BUB1: variants seen among roughly 807,000 people sequenced by gnomAD.
BUB1 encodes the protein BUB1 mitotic checkpoint serine/threonine kinase.
A neutral mutation model predicts 135.2 loss-of-function variants in BUB1; 84 were observed. The ratio of observed to expected loss-of-function variants is 0.62; its 90% CI spans 0.52 to 0.74. The LOEUF (loss-of-function observed/expected upper bound fraction) is 0.74. Ranked by LOEUF, BUB1 falls within the 30% of genes least tolerant of loss-of-function variation. BUB1 has a pLI of 0.00. For synonymous variants in BUB1, 403 were observed against 434.4 expected (o/e 0.93, Z 0.90); for missense variants, 1,162 against 1,288.3 (o/e 0.90, Z 1.50).
In BUB1 at chr2:110,645,621, G is replaced by GT. The variant is rs1259946488; in HGVS notation, c.2348-3388dup. On this transcript the variant is annotated intron_variant, in intron 19 of 24. Coordinates refer to ENST00000302759, the MANE Select transcript of BUB1 (RefSeq NM_004336.5). ...TGTGTGTGTGTGTGTGTAAGACAAG[G>GT]TCTTGCTATGTTCCCTGGCTAATCT... is the stretch of plus-strand genomic sequence containing the variant. 2.0e-5 allele frequency among the ~76,000 whole-genome samples: 3 copies of GT among 151,616 alleles called. No individual in the cohort carries two copies. In the East Asian group the frequency reaches 5.8e-4, roughly 29 times the overall value.
intron 3 of BUB1, 147 bp from the exon 4 acceptor site, chr2:110,673,004 G>T (rs1690464570): frequency 5.4e-6 from 4 of 738,178 alleles, no homozygotes; most frequent in African/African-American, 1.8e-5. Flanking sequence ...TTAGAGGGTT[G>T]GACTTTTCAG....
In BUB1 at chr2:110,657,110, G is replaced by A. The variant is rs761429720; in HGVS notation, c.1624C>T (p.Gln542Ter). ...GCTCCTGTGGGTTTATTTTTAGGCT[G>A]TGGTAATCTAAGGAAAGATTTGCTA... ...DGNKENYGLP[Q>*]PKNKPTGART... is the part of the protein sequence containing the mutation. Residue 542 changes from glutamine to a stop codon, truncating the protein, a stop_gained, in exon 15 of 25, where the codon CAG becomes TAG. Coordinates refer to ENST00000302759, the MANE Select transcript of BUB1 (RefSeq NM_004336.5). LOFTEE classifies it high-confidence loss of function. The A allele has an allele frequency of 1.9e-6, 3 of 1,611,416 alleles. No individual in the cohort carries two copies. Among genetic ancestry groups the A allele is most frequent in the Non-Finnish European group, 2.5e-6 (3 of 1,178,634 alleles).
chr2:110,638,138 C>T lies in BUB1; in HGVS notation c.3084G>A (p.Trp1028Ter). Reference sequence around the variant, plus strand: ...TCAACATAACATGAAAAAATTCATTCCACATATCCAAATGAGGAAGCCTGA... The same window carrying T: ...TCAACATAACATGAAAAAATTCATTTCACATATCCAAATGAGGAAGCCTGA... ...LFRRLPHLDM[W>*]NEFFHVMLNI... The change falls in exon 25 of 25, where the codon TGG becomes TGA. Residue 1028 changes from tryptophan (W) to a stop codon, truncating the protein, a stop_gained. Transcript: ENST00000302759. LOFTEE classifies it high-confidence loss of function. 2.5e-6 allele frequency: 4 copies of T among 1,594,600 alleles called. No individual in the cohort carries two copies. The highest frequency in any genetic ancestry group is 3.4e-6 in the Non-Finnish European group (4 of 1,172,830).
In BUB1 at chr2:110,669,532, T is replaced by A; in HGVS notation, c.488A>T (p.His163Leu). 1 of 1,608,120 alleles carries A rather than the reference T, an allele frequency of 6.2e-7. No individual in the cohort carries two copies. The highest frequency in any genetic ancestry group is 8.5e-7 in the Non-Finnish European group (1 of 1,174,840). Residue 163 changes from histidine to leucine, a missense_variant, in exon 6 of 25, where the codon CAT (histidine) becomes CTT (leucine). His to Leu is a moderately conservative substitution (Grantham distance 99, BLOSUM62 -3). Coordinates refer to ENST00000302759, the MANE Select transcript of BUB1 (RefSeq NM_004336.5). The part of the protein sequence containing the change: ...PAQARTSEPL[H>L]NVQVLNQMIT... The stretch of plus-strand genomic sequence containing the variant: ...CATTTGATTTAAAACCTGAACATTA[T>A]GCAGAGGTTCTGAGGTTCTAGCTAT...
intron 23 of BUB1, 80 bp downstream of exon 23, chr2:110,640,954 T>G: frequency 6.9e-7 from 1 of 1,447,432 alleles, no homozygotes; most frequent in Non-Finnish European, 9.2e-7. Flanking sequence ...TCAAACTACC[T>G]AGATCCCCAA....
At chr2:110,640,932 CAA>C (rs869030773) in intron 23 of BUB1, 100 bp downstream of exon 23, 1 of 1,285,222 alleles carries the variant, frequency 7.8e-7, no homozygotes, top group African/African-American at 1.5e-5. Context: ...AACTGCTCCT[CAA>C]AAGACCACCT....
At position 110,642,339 on chromosome 2, in the gene BUB1, A is replaced by ATCCACTGT. The variant is rs1298399302; in HGVS notation, c.2348-113_2348-106dup. On this transcript the variant is annotated intron_variant, in intron 19 of 24. Transcript: ENST00000302759. ...ACATAGAGTTTTCTGTATACTTCGC[A>ATCCACTGT]TCCACTGTCTGCAGTTGTTAACTCT... 25 of 660,144 alleles carry ATCCACTGT rather than the reference A, an allele frequency of 3.8e-5. No homozygotes were observed. In the African/African-American group the frequency reaches 4.6e-4, roughly 12 times the overall value. The allele number at this position is 660,144 out of a possible 1,614,324, so 40.9% of individuals were successfully genotyped here.
chr2:110,639,394 C>CAA (rs111453356), intron 24 of BUB1, among the ~76,000 whole-genome samples: 50 of 118,176 alleles, frequency 4.2e-4, no homozygotes, highest in African/African-American at 1.4e-3. Flanking sequence ...TTCCATAGAC[C>CAA]AAAAAAAAAA....
chr2:110,644,667 A>G (rs1030433436), intron 19 of BUB1, among the ~76,000 whole-genome samples: 4 of 152,162 alleles, frequency 2.6e-5, no homozygotes, highest in Non-Finnish European at 5.9e-5. Flanking sequence ...AAGAAGCAAG[A>G]CAAAACCATC....
At chr2:110,673,348 C>T (rs1255967046) in intron 3 of BUB1, among the ~76,000 whole-genome samples, 1 of 152,114 alleles carries the variant, frequency 6.6e-6, no homozygotes, top group Non-Finnish European at 1.5e-5. Flanking sequence ...GCAAACTGAT[C>T]GAACTCAGAC....
rs375377141 is a variant in BUB1, at chr2:110,657,530, G to T, written c.1616+16C>A. ...AAACTCGGCAGCATCCCATTAACTA[G>T]ATGGTATTTTTTTACCCATAATTTT... On this transcript the variant is annotated intron_variant, in intron 14 of 24. Transcript: ENST00000302759. The T allele has an allele frequency of 5.1e-6, 8 of 1,574,446 alleles. No homozygotes were observed. The highest frequency in any genetic ancestry group is 3.6e-5 in the Admixed American group (2 of 55,754).
Position 110,667,670 on chromosome 2 carries a change from T to C in BUB1, c.656A>G (p.Tyr219Cys), listed in dbSNP as rs377616534. 1 of 1,613,392 alleles carries C rather than the reference T, an allele frequency of 6.2e-7. No individual in the cohort carries two copies. The highest frequency in any genetic ancestry group is 8.5e-7 in the Non-Finnish European group (1 of 1,179,862). ...GGATGCCAAAGATGAGTGCACAGAATATTCTGATTTAGAAATCGTGATCAC... is the reference window on the plus strand; with the variant it reads ...GGATGCCAAAGATGAGTGCACAGAACATTCTGATTTAGAAATCGTGATCAC... ...RRVITISKSE[Y>C]SVHSSLASKV... The change falls in exon 8 of 25, where the codon TAT becomes TGT. Residue 219 changes from tyrosine (Y) to cysteine (C), a missense_variant. Transcript: ENST00000302759.
intron 20 of BUB1, 26 bp downstream of exon 20, chr2:110,642,093 T>C (rs1689521646): frequency 6.6e-7 from 1 of 1,522,962 alleles, no homozygotes; most frequent in Non-Finnish European, 9.0e-7. Context: ...TTCTATATCA[T>C]ACAAAAGACA....
intron 4 of BUB1, among the ~76,000 whole-genome samples, chr2:110,671,875 A>G (rs185227659): frequency 6.6e-6 from 1 of 152,330 alleles, no homozygotes; most frequent in African/African-American, 2.4e-5. Context: ...CCTAAGTGAG[A>G]TATGTTTAAT....
At chr2:110,675,551 C>A (rs915262364) in intron 1 of BUB1, among the ~76,000 whole-genome samples, 1 of 150,708 alleles carries the variant, frequency 6.6e-6, no homozygotes, top group Admixed American at 6.6e-5. Flanking sequence ...AGGTGAGAAT[C>A]GAAGTGGGAA....
intron 9 of BUB1, among the ~76,000 whole-genome samples, chr2:110,664,452 G>T (rs767762082): frequency 6.6e-6 from 1 of 152,114 alleles, no homozygotes; most frequent in Non-Finnish European, 1.5e-5. Context: ...CTGAGGGAAT[G>T]TAAGTTCCCT....
chr2:110,646,110 T>A (rs1030891780), intron 19 of BUB1, among the ~76,000 whole-genome samples: 2 of 137,416 alleles, frequency 1.5e-5, no homozygotes, highest in Non-Finnish European at 3.0e-5. Context: ...GACAGAAAGA[T>A]GGATTGAGGT....
At position 110,644,320 on chromosome 2, in the gene BUB1, A is replaced by G. The variant is rs1243489258; in HGVS notation, c.2348-2086T>C. ...ATGAAACCCCATCTCTACAAAAAAT[A>G]CAAAAAATTAGCCGGGTATGGTGGT... On this transcript the variant is annotated intron_variant, in intron 19 of 24. Transcript: ENST00000302759. Among the ~76,000 whole-genome samples, 3 of 151,870 alleles carry G rather than the reference A, an allele frequency of 2.0e-5. No individual in the cohort carries two copies. The East Asian group carries it at 5.8e-4, about 30-fold the overall frequency.
Position 110,670,573 on chromosome 2 carries a change from A to T in BUB1, c.423-5T>A. ...GTGAGGCGTGTCTGAAATAACCTAA[A>T]TGACAGCAGAAAAGGCATCAATGTA... On this transcript the variant is annotated splice_region_variant and splice_polypyrimidine_tract_variant and intron_variant, in intron 4 of 24. Coordinates refer to ENST00000302759, the MANE Select transcript of BUB1 (RefSeq NM_004336.5). 1 of 1,613,934 alleles carries T rather than the reference A, an allele frequency of 6.2e-7. No individual in the cohort carries two copies.
Sources: allele counts gnomAD v4.1 joint callset (sites outside exome capture counted in the v4.1 genomes callset), GRCh38; gene constraint gnomAD v4.1.1; transcripts MANE v1.5; gene names NCBI Gene and HGNC (gene_info 2026-07-23, HGNC 2026-07-21).